Variants in FAM227B observed in about 807,000 individuals in gnomAD.
FAM227B encodes protein FAM227B.
Under a neutral mutation model 73.8 loss-of-function variants are expected in FAM227B, and 88 were observed. That is an observed-to-expected ratio of 1.19 (90% confidence interval 1.00 to 1.42). The LOEUF (loss-of-function observed/expected upper bound fraction) is 1.42, where lower values mean the gene tolerates loss of function less well. Ranked by LOEUF, FAM227B falls within the 40% of genes most tolerant of loss-of-function variation. FAM227B has a pLI of 0.00. For synonymous variants in FAM227B, 210 were observed against 190.5 expected (o/e 1.10, Z -0.84); for missense variants, 632 against 590.9 (o/e 1.07, Z -0.72).
chr15:49,398,158 C>T (rs1043734349), intron 11 of FAM227B, among the ~76,000 whole-genome samples: 1 of 151,998 alleles, frequency 6.6e-6, no homozygotes, highest in Admixed American at 6.6e-5. Context: ...GGAAGATCTA[C>T]CAAGCCAATG....
At chr15:49,434,950 T>C (rs1454249684) in intron 11 of FAM227B, among the ~76,000 whole-genome samples, 1 of 151,600 alleles carries the variant, frequency 6.6e-6, no homozygotes, top group Non-Finnish European at 1.5e-5. Flanking sequence ...TGGAATAATA[T>C]ATTTTTTCTG....
intron 11 of FAM227B, among the ~76,000 whole-genome samples, chr15:49,470,770 G>A (rs1023016629): frequency 6.6e-6 from 1 of 152,208 alleles, no homozygotes; most frequent in African/African-American, 2.4e-5. Flanking sequence ...GCTGAAGTTT[G>A]ACATTAAGGT....
chr15:49,412,500 TA>T (rs200537688), intron 11 of FAM227B, among the ~76,000 whole-genome samples: 165 of 152,124 alleles, frequency 1.1e-3, no homozygotes, highest in African/African-American at 3.9e-3. Context: ...CTGTTATTCT[TA>T]AAATTTTTTT....
intron 11 of FAM227B, among the ~76,000 whole-genome samples, chr15:49,444,391 T>C (rs1022316471): frequency 5.3e-5 from 8 of 151,746 alleles, no homozygotes; most frequent in Non-Finnish European, 1.0e-4. Flanking sequence ...AGATTATGTT[T>C]TATAGTATGA....
At chr15:49,487,657 G>A (rs1357088494) in intron 11 of FAM227B, 4 of 151,962 alleles carry the variant, frequency 2.6e-5, no homozygotes, top group South Asian at 4.2e-4. Context: ...TGCCCCTTAC[G>A]ATTTTCTACT....
intron 11 of FAM227B, among the ~76,000 whole-genome samples, chr15:49,459,763 C>T (rs762659653): frequency 2.6e-5 from 4 of 152,236 alleles, no homozygotes; most frequent in South Asian, 4.1e-4. Context: ...AGACTTGTAG[C>T]TGGTGGTGTG....
intron 10 of FAM227B, among the ~76,000 whole-genome samples, chr15:49,512,909 T>C (rs1355244311): frequency 1.3e-5 from 2 of 152,194 alleles, no homozygotes; most frequent in African/African-American, 4.8e-5. Context: ...GCTTCATCCA[T>C]GTCCCTGCAG....
chr15:49,579,266 G>A (rs1234472062), intron 5 of FAM227B, among the ~76,000 whole-genome samples: 2 of 152,056 alleles, frequency 1.3e-5, no homozygotes, highest in African/African-American at 4.8e-5. Context: ...ACTAAAAATA[G>A]AACTGTCATA....
At chr15:49,358,097 AAG>A (rs1223154669) in intron 13 of FAM227B, among the ~76,000 whole-genome samples, 9 of 151,964 alleles carry the variant, frequency 5.9e-5, no homozygotes, top group Admixed American at 5.2e-4. Context: ...TCAAAATAAT[AAG>A]AGCTATCTAT....
At chr15:49,550,767 G>T (rs1276097116) in intron 9 of FAM227B, among the ~76,000 whole-genome samples, 10 of 151,104 alleles carry the variant, frequency 6.6e-5, no homozygotes, top group African/African-American at 2.4e-4. Flanking sequence ...ATGGGATGGC[G>T]GCCGGGCAGA....
At chr15:49,343,177 T>G (rs1260960814) in intron 13 of FAM227B, among the ~76,000 whole-genome samples, 1 of 152,186 alleles carries the variant, frequency 6.6e-6, no homozygotes, top group Non-Finnish European at 1.5e-5. Context: ...ATAGGTTTGG[T>G]CACTTTACAT....
chr15:49,385,595 C>T (rs1414172688), intron 11 of FAM227B, among the ~76,000 whole-genome samples: 1 of 134,086 alleles, frequency 7.5e-6, no homozygotes, highest in Non-Finnish European at 1.6e-5. Context: ...AACAGTAACA[C>T]AATGAAAAAA....
At position 49,327,841 on chromosome 15, in the gene FAM227B, C is replaced by T. The variant is rs183888863; in HGVS notation, c.*727G>A. 2.2e-4 allele frequency: 215 copies of T among 970,698 alleles called. 2 individuals carry two copies. The highest frequency in any genetic ancestry group is 1.6e-3 in the Admixed American group (59 of 36,358). The allele number at this position is 970,698 out of a possible 1,614,324, so 60.1% of individuals were successfully genotyped here. On this transcript the variant is annotated 3_prime_UTR_variant, in exon 16 of 16. Coordinates refer to ENST00000299338, the MANE Select transcript of FAM227B (RefSeq NM_152647.3). ...AATGTTTGATGACACCTAAAAACCCCGCATGTATTTTCTTCTTAGAACTTA... is the reference window on the plus strand; with the variant it reads ...AATGTTTGATGACACCTAAAAACCCTGCATGTATTTTCTTCTTAGAACTTA...
At chr15:49,546,215 T>A (rs2071850888) in intron 9 of FAM227B, among the ~76,000 whole-genome samples, 1 of 152,174 alleles carries the variant, frequency 6.6e-6, no homozygotes, top group Non-Finnish European at 1.5e-5. Flanking sequence ...AGTGTTTGGT[T>A]TTTTGTCCTT....
At chr15:49,552,939 A>T (rs1246300580) in intron 9 of FAM227B, among the ~76,000 whole-genome samples, 2 of 152,138 alleles carry the variant, frequency 1.3e-5, no homozygotes, top group Admixed American at 1.3e-4. Flanking sequence ...CAAAGGTCAC[A>T]TATCTCTGTT....
Position 49,541,774 on chromosome 15 carries a change from A to T in FAM227B, c.780T>A (p.Tyr260Ter). 6.6e-7 allele frequency: 1 copy of T among 1,525,464 alleles called. No individual in the cohort carries two copies. The highest frequency in any genetic ancestry group is 8.8e-7 in the Non-Finnish European group (1 of 1,135,818). The allele number at this position is 1,525,464 out of a possible 1,614,324, so 94.5% of individuals were successfully genotyped here. Residue 260 changes from tyrosine to a stop codon, truncating the protein, a stop_gained, in exon 10 of 16, where the codon TAT becomes TAA. Transcript: ENST00000299338. LOFTEE classifies it high-confidence loss of function. Reference protein sequence around the residue: ...IYPDCLAQAIYATFHEAFPES... With the variant: ...IYPDCLAQAI ...CTGGAAATGCTTCATGGAACGTTGC[A>T]TATATGGCTTGTGCCAAACAATCAG...
intron 11 of FAM227B, among the ~76,000 whole-genome samples, chr15:49,429,068 A>G (rs1214557249): frequency 6.6e-6 from 1 of 152,056 alleles, no homozygotes; most frequent in African/African-American, 2.4e-5. Flanking sequence ...GAGATGGTAA[A>G]TTTGCTTATA....
chr15:49,528,983 A>G (rs1251549142), intron 10 of FAM227B, among the ~76,000 whole-genome samples: 2 of 151,804 alleles, frequency 1.3e-5, no homozygotes. Flanking sequence ...GTATAAACCC[A>G]AAGGAAAGCA....
intron 11 of FAM227B, among the ~76,000 whole-genome samples, chr15:49,475,945 A>G (rs2151984699): frequency 6.6e-6 from 1 of 152,280 alleles, no homozygotes; most frequent in Non-Finnish European, 1.5e-5. Flanking sequence ...ATTTGGCCCT[A>G]ACTCTTTTTC....
Sources: allele counts gnomAD v4.1 joint callset (sites outside exome capture counted in the v4.1 genomes callset), GRCh38; gene constraint gnomAD v4.1.1; transcripts MANE v1.5; gene names NCBI Gene and HGNC (gene_info 2026-07-23, HGNC 2026-07-21).